Variants in NPNT observed in about 807,000 individuals in gnomAD.
NPNT encodes the protein nephronectin, also known as preosteoblast EGF-like repeat protein with MAM domain.
A neutral mutation model predicts 68.6 loss-of-function variants in NPNT; 45 were observed. The observed-to-expected ratio is 0.66, with a 90% confidence interval of 0.52 to 0.84. The LOEUF is 0.84. Ranked by LOEUF, NPNT falls within the 40% of genes least tolerant of loss-of-function variation. The pLI is 0.00. For missense variants in NPNT, 672 were observed against 714.8 expected, an observed-to-expected ratio of 0.94 and a Z score of 0.68; for synonymous variants, 233 against 253.3, an observed-to-expected ratio of 0.92 and a Z score of 0.76.
chr4:105,949,084 T>C (rs1237317264), intron 8 of NPNT, among the ~76,000 whole-genome samples: 2 of 152,226 alleles, frequency 1.3e-5, no homozygotes, highest in Admixed American at 6.5e-5. Context: ...GTGTGTTTTA[T>C]AGAGCATTAT....
At position 105,967,251 on chromosome 4, in the gene NPNT, T is replaced by C; in HGVS notation, c.1409T>C (p.Leu470Pro). The change falls in exon 11 of 12, where the codon CTA becomes CCA. Residue 470 changes from leucine (L) to proline (P), a missense_variant. Physicochemically the swap from Leu to Pro is moderately conservative, Grantham distance 98 (BLOSUM62 -3). Transcript: ENST00000379987. ...GGGGGAAAAGCTGCACGCTTGGTGC[T>C]ACCTCTCGGCCGCCTCATGCATTCA... ...APGGKAARLV[L>P]PLGRLMHSGD... The C allele has an allele frequency of 6.2e-7, 1 of 1,614,014 alleles. No homozygotes were observed. Among genetic ancestry groups the C allele is most frequent in the Admixed American group, 1.7e-5 (1 of 60,030 alleles).
At chr4:105,912,448 C>T (rs1417717932) in intron 2 of NPNT, 7 of 458,824 alleles carry the variant, frequency 1.5e-5, no homozygotes, top group Non-Finnish European at 2.1e-5. Flanking sequence ...TAAACTTTTC[C>T]GTTTCAGTTG....
intron 8 of NPNT, among the ~76,000 whole-genome samples, chr4:105,950,644 G>A (rs1467319078): frequency 6.6e-6 from 1 of 151,948 alleles, no homozygotes; most frequent in African/African-American, 2.4e-5. Flanking sequence ...ATTCACATCT[G>A]AGTAGGCACA....
chr4:105,897,994 G>A lies in NPNT; in HGVS notation c.165G>A (p.Gln55=), dbSNP rs1726015207. ...GCTGGGCTCGCCAGTCTTGGGGACA[G>A]TGTCAGCGTGAGTATCAAGCCTGGG... ...CWGWARQSWG[Q]CQPVCQPRCK... is the part of the protein sequence containing the mutation. The change falls in exon 2 of 12, where the codon CAG becomes CAA. Residue 55 remains glutamine (Q), a synonymous_variant. Transcript: ENST00000379987. The A allele has an allele frequency of 1.2e-6, 2 of 1,602,686 alleles. No individual in the cohort carries two copies. The highest frequency in any genetic ancestry group is 8.5e-7 in the Non-Finnish European group (1 of 1,175,572).
chr4:105,932,843 T>C (rs939195305), intron 3 of NPNT: 3 of 572,598 alleles, frequency 5.2e-6, no homozygotes, highest in African/African-American at 3.8e-5. Context: ...CAGCAGGAAT[T>C]GCCACCTGGT....
chr4:105,931,207 C>T (rs192429266), intron 3 of NPNT, among the ~76,000 whole-genome samples: 100 of 152,082 alleles, frequency 6.6e-4, no homozygotes, highest in Admixed American at 8.5e-4. Context: ...TATAACTTTT[C>T]CATTGGGGAA....
In NPNT at chr4:105,944,234, C is replaced by T. The variant is rs116444736; in HGVS notation, c.1159+1532C>T. Among the ~76,000 whole-genome samples, 1,442 of 152,162 alleles carry T rather than the reference C, an allele frequency of 9.5e-3. 6 individuals carry two copies. Among genetic ancestry groups the T allele is most frequent in the Non-Finnish European group, 0.013 (880 of 67,974 alleles). On this transcript the variant is annotated intron_variant, in intron 8 of 11. Coordinates refer to ENST00000379987, the MANE Select transcript of NPNT (RefSeq NM_001033047.3). ...TTATGTTTTTGTAATTTTCTCCTCA[C>T]CCCCTCTCTCCATCTCAGATACTGT...
chr4:105,971,323 C>G lies in NPNT; in HGVS notation c.*2333C>G, dbSNP rs560868056. 344 of 304,868 alleles carry G rather than the reference C, an allele frequency of 1.1e-3. No individual in the cohort carries two copies. The highest frequency in any genetic ancestry group is 2.1e-3 in the Non-Finnish European group (307 of 145,502). 18.9% of individuals were successfully genotyped at this position (304,868 alleles called of 1,614,324 possible). A position where few individuals can be genotyped will look rare whatever the true frequency, so the allele number is the denominator to read the frequency against. ...AGTAATATTTTTTGAACAATAGGTA[C>G]AATAGAAGGTCTTCTGTCATTTAAC... On this transcript the variant is annotated 3_prime_UTR_variant, in exon 12 of 12. Transcript: ENST00000379987.
intron 2 of NPNT, among the ~76,000 whole-genome samples, chr4:105,909,479 T>G (rs1398549422): frequency 6.6e-6 from 1 of 152,196 alleles, no homozygotes. Flanking sequence ...GAAGAAATAA[T>G]GTGTAGGTTT....
intron 10 of NPNT, among the ~76,000 whole-genome samples, chr4:105,965,385 A>T (rs943668964): frequency 1.3e-5 from 2 of 151,762 alleles, no homozygotes; most frequent in African/African-American, 4.8e-5. Context: ...AAACGGCAAA[A>T]GCAAAACCTG....
At chr4:105,962,871 A>G (rs199831726) in intron 10 of NPNT, among the ~76,000 whole-genome samples, 8 of 145,330 alleles carry the variant, frequency 5.5e-5, no homozygotes, top group South Asian at 2.3e-4. Flanking sequence ...GTGTGTGTGT[A>G]TGTGTGTGTG....
intron 2 of NPNT, among the ~76,000 whole-genome samples, chr4:105,909,844 G>T (rs1001720571): frequency 3.3e-5 from 5 of 152,122 alleles, no homozygotes; most frequent in Admixed American, 3.3e-4. Flanking sequence ...GCATGCACCT[G>T]GCATTTATCA....
intron 11 of NPNT, among the ~76,000 whole-genome samples, chr4:105,968,649 A>G (rs1218213775): frequency 4.6e-5 from 7 of 152,380 alleles, no homozygotes; most frequent in South Asian, 4.1e-4. Flanking sequence ...GAATTGGTCT[A>G]TAGCTTAGAA....
intron 2 of NPNT, among the ~76,000 whole-genome samples, chr4:105,910,811 A>G (rs533929919): frequency 6.6e-6 from 1 of 152,300 alleles, no homozygotes; most frequent in African/African-American, 2.4e-5. Flanking sequence ...GAAAAATATG[A>G]CCCAACCTTA....
intron 2 of NPNT, among the ~76,000 whole-genome samples, chr4:105,903,913 T>C (rs1225606904): frequency 6.6e-6 from 1 of 151,334 alleles, no homozygotes; most frequent in Admixed American, 6.6e-5. Flanking sequence ...GCCTCCTGAG[T>C]AGTTGGGACC....
rs970022875 is a variant in NPNT at position 105,959,063 on chromosome 4, C to G, written c.1282C>G (p.Leu428Val). Residue 428 changes from leucine (L) to valine (V), a missense_variant, in exon 10 of 12, where the codon CTT becomes GTT. Transcript: ENST00000379987. ...ACACAGTTGTAATTTTGACCATGGA[C>G]TTTGTGGATGGATCAGGGAGAAAGA... ...LVHSCNFDHG[L>V]CGWIREKDND... is the part of the protein sequence containing the mutation. 6.2e-7 allele frequency: 1 copy of G among 1,613,116 alleles called. No homozygotes were observed.
chr4:105,966,378 T>G (rs1195385028), intron 10 of NPNT, among the ~76,000 whole-genome samples: 1 of 152,208 alleles, frequency 6.6e-6, no homozygotes, highest in African/African-American at 2.4e-5. Context: ...AAGAAAACTC[T>G]GTAGCCCTAG....
chr4:105,904,800 C>A (rs959112941), intron 2 of NPNT, among the ~76,000 whole-genome samples: 1 of 152,048 alleles, frequency 6.6e-6, no homozygotes, highest in Non-Finnish European at 1.5e-5. Context: ...CTGCCTCACT[C>A]TCTCTCGAGT....
At chr4:105,939,085 A>G (rs1301112071) in intron 5 of NPNT, among the ~76,000 whole-genome samples, 2 of 152,214 alleles carry the variant, frequency 1.3e-5, no homozygotes, top group Non-Finnish European at 2.9e-5. Flanking sequence ...TATACTCCAG[A>G]CACTGTGCTG....
Sources: allele counts gnomAD v4.1 joint callset (sites outside exome capture counted in the v4.1 genomes callset), GRCh38; gene constraint gnomAD v4.1.1; transcripts MANE v1.5; gene names NCBI Gene and HGNC (gene_info 2026-07-23, HGNC 2026-07-21).